TMEM167A: variants seen among roughly 807,000 people sequenced by gnomAD.
TMEM167A encodes transmembrane protein 167A, also known as protein kish-A.
Under a neutral mutation model 11.6 loss-of-function variants are expected in TMEM167A, and 8 were observed. The ratio of observed to expected loss-of-function variants is 0.69; its 90% CI spans 0.40 to 1.24. The LOEUF is 1.24. Ranked by LOEUF, TMEM167A falls within the 50% of genes most tolerant of loss-of-function variation. The probability of loss-of-function intolerance (pLI) is 0.01; values close to 1 mark genes in which losing one functional copy is unlikely to be tolerated. For missense variants in TMEM167A, 62 were observed against 87.0 expected (o/e 0.71, Z 1.14); for synonymous variants, 22 against 28.0 (o/e 0.79, Z 0.67).
chr5:83,074,193 T>C (rs1242472783), intron 1 of TMEM167A, among the ~76,000 whole-genome samples: 1 of 152,250 alleles, frequency 6.6e-6, no homozygotes, highest in Non-Finnish European at 1.5e-5. Flanking sequence ...GACTTCTTTT[T>C]ATTCCTGCCA....
chr5:83,057,338 A>G (rs1174168393), intron 3 of TMEM167A, among the ~76,000 whole-genome samples, 184 bp from the exon 4 acceptor site: 1 of 152,046 alleles, frequency 6.6e-6, no homozygotes, highest in African/African-American at 2.4e-5. Context: ...GGGCTAAACT[A>G]TTAATATATC....
rs1399508700 is a variant in TMEM167A, at chr5:83,065,027, G to T, written c.94C>A (p.Leu32Met). Reference sequence around the variant, plus strand: ...ACATACCCAGTTTTATTTCTGTCCAGGAGGCTGGGTGCCAAGGATCGAATA... The same window carrying T: ...ACATACCCAGTTTTATTTCTGTCCATGAGGCTGGGTGCCAAGGATCGAATA... The part of the protein sequence containing the change: ...AYIRSLAPSL[L>M]DRNKTGLLGI... The change falls in exon 2 of 4, where the codon CTG becomes ATG. Residue 32 changes from leucine (L) to methionine (M), a missense_variant. Transcript: ENST00000502346. 3 of 1,604,920 alleles carry T rather than the reference G, an allele frequency of 1.9e-6. No homozygotes were observed. Among genetic ancestry groups the T allele is most frequent in the Admixed American group, 1.7e-5 (1 of 59,532 alleles).
In TMEM167A at chr5:83,055,625, C is replaced by A. The variant is rs1365544050; in HGVS notation, c.*1459G>T. On this transcript the variant is annotated 3_prime_UTR_variant, in exon 4 of 4. Transcript: ENST00000502346. ...CCCCAGATAACAAAATACAGAAAAT[C>A]AAACCAAAACCAAAAAACACCCCCA... The A allele has an allele frequency of 6.6e-6, 1 of 151,698 alleles. No individual in the cohort carries two copies. Among genetic ancestry groups the A allele is most frequent in the Non-Finnish European group, 1.5e-5 (1 of 67,850 alleles). The allele number at this position is 151,698 out of a possible 1,614,324, so 9.4% of individuals were successfully genotyped here.
At chr5:83,062,141 A>G (rs1744416239) in intron 2 of TMEM167A, among the ~76,000 whole-genome samples, 1 of 152,188 alleles carries the variant, frequency 6.6e-6, no homozygotes, top group Admixed American at 6.5e-5. Flanking sequence ...ATGGAATATA[A>G]ATAGTGTCAT....
At chr5:83,064,163 A>G (rs1313038141) in intron 2 of TMEM167A, 3 of 500,548 alleles carry the variant, frequency 6.0e-6, no homozygotes, top group Non-Finnish European at 1.2e-5. Flanking sequence ...GTATTAGTAC[A>G]TATTTTAAAA....
chr5:83,075,946 A>AG (rs755075457), intron 1 of TMEM167A, among the ~76,000 whole-genome samples: 6 of 152,186 alleles, frequency 3.9e-5, no homozygotes, highest in Non-Finnish European at 8.8e-5. Flanking sequence ...CCAAGCTCAC[A>AG]GGAATAAAAA....
chr5:83,059,616 G>A (rs1744378977), intron 3 of TMEM167A, among the ~76,000 whole-genome samples: 1 of 151,946 alleles, frequency 6.6e-6, no homozygotes, highest in Non-Finnish European at 1.5e-5. Flanking sequence ...ATGCTATTTT[G>A]TCACTCTTTT....
chr5:83,067,512 TG>T (rs1260208205), intron 1 of TMEM167A, among the ~76,000 whole-genome samples: 1 of 151,976 alleles, frequency 6.6e-6, no homozygotes, highest in Non-Finnish European at 1.5e-5. Context: ...AGTTTTTTGG[TG>T]GGGGGTGGAG....
At chr5:83,076,262 T>C (rs28383104) in intron 1 of TMEM167A, among the ~76,000 whole-genome samples, 7,068 of 152,292 alleles carry the variant, frequency 0.046, 517 homozygotes, top group African/African-American at 0.16. Flanking sequence ...AAGAGCCTGG[T>C]ACATAGGACG....
Position 83,068,582 on chromosome 5 carries a change from C to T in TMEM167A, c.4-3465G>A, listed in dbSNP as rs575985857. On this transcript the variant is annotated intron_variant, in intron 1 of 3. Coordinates refer to ENST00000502346, the MANE Select transcript of TMEM167A (RefSeq NM_174909.5). ...AAAAGCTTCATGTAGAAAGCAGGAA[C>T]GGAGTCAAACCTTGAAAGGGCACCA... Among the ~76,000 whole-genome samples, 148 of 151,734 alleles carry T rather than the reference C, an allele frequency of 9.8e-4. 1 individual carries two copies. The highest frequency in any genetic ancestry group is 1.9e-3 in the Non-Finnish European group (130 of 67,978).
intron 2 of TMEM167A, among the ~76,000 whole-genome samples, chr5:83,064,507 C>T (rs948656580): frequency 1.3e-5 from 2 of 152,028 alleles, no homozygotes; most frequent in Non-Finnish European, 2.9e-5. Flanking sequence ...TAGAGTCTAC[C>T]ATATGCTTTA....
intron 1 of TMEM167A, among the ~76,000 whole-genome samples, chr5:83,074,970 ACACTGGT>A (rs1744619673): frequency 6.6e-6 from 1 of 152,096 alleles, no homozygotes; most frequent in Non-Finnish European, 1.5e-5. Flanking sequence ...GGGTTTCTCC[ACACTGGT>A]CAGGCTGGTC....
chr5:83,057,197 CT>C (rs776355871), intron 3 of TMEM167A, 43 bp from the exon 4 acceptor site: 10 of 1,561,384 alleles, frequency 6.4e-6, no homozygotes, highest in Non-Finnish European at 7.0e-6. Flanking sequence ...AACTGAGTGG[CT>C]AACCTGGCTA....
Position 83,056,253 on chromosome 5 carries a change from T to C in TMEM167A, c.*831A>G, listed in dbSNP as rs1156390276. ...GTTCCTTTACGGCAATTAAAATAAA[T>C]GTTTCATTTTTGAAGCCATGACACT... is the stretch of plus-strand genomic sequence containing the variant. On this transcript the variant is annotated 3_prime_UTR_variant, in exon 4 of 4. Coordinates refer to ENST00000502346, the MANE Select transcript of TMEM167A (RefSeq NM_174909.5). The C allele has an allele frequency of 2.0e-5, 3 of 152,068 alleles. No individual in the cohort carries two copies. Among genetic ancestry groups the C allele is most frequent in the African/African-American group, 7.2e-5 (3 of 41,442 alleles). 9.4% of individuals were successfully genotyped at this position (152,068 alleles called of 1,614,324 possible). A position where few individuals can be genotyped will look rare whatever the true frequency, so the allele number is the denominator to read the frequency against.
rs1335248636 is a variant in TMEM167A, at chr5:83,056,991, TAA to T, written c.*91_*92del. On this transcript the variant is annotated 3_prime_UTR_variant, in exon 4 of 4. Coordinates refer to ENST00000502346, the MANE Select transcript of TMEM167A (RefSeq NM_174909.5). ...ATTTATCTCATTCAATGTTCGGAGA[TAA>T]AAGAGTTAAACATCCTTTCCATTAT... The T allele has an allele frequency of 8.9e-7, 1 of 1,121,840 alleles. No individual in the cohort carries two copies. The allele number at this position is 1,121,840 out of a possible 1,614,324, so 69.5% of individuals were successfully genotyped here. A position where few individuals can be genotyped will look rare whatever the true frequency, so the allele number is the denominator to read the frequency against.
At chr5:83,061,501 CG>C (rs1245244597) in intron 3 of TMEM167A, among the ~76,000 whole-genome samples, 1 of 152,132 alleles carries the variant, frequency 6.6e-6, no homozygotes, top group Non-Finnish European at 1.5e-5. Context: ...CTTCGCCTCT[CG>C]GGTTCAAGAG....
At chr5:83,064,240 T>G (rs775108443) in intron 2 of TMEM167A, 1 of 518,680 alleles carries the variant, frequency 1.9e-6, no homozygotes, top group Admixed American at 1.9e-5. Context: ...CAACCTTTAC[T>G]AGAAGGTTGG....
chr5:83,066,437 C>T (rs1421030727), intron 1 of TMEM167A, among the ~76,000 whole-genome samples: 1 of 152,064 alleles, frequency 6.6e-6, no homozygotes, highest in Non-Finnish European at 1.5e-5. Context: ...AGTAAGGTGG[C>T]TGGGTACATA....
chr5:83,055,185 A>C lies in TMEM167A; in HGVS notation c.*1899T>G, dbSNP rs1218947019. 1 of 152,048 alleles carries C rather than the reference A, an allele frequency of 6.6e-6. No individual in the cohort carries two copies. Among genetic ancestry groups the C allele is most frequent in the Non-Finnish European group, 1.5e-5 (1 of 67,964 alleles). 9.4% of individuals were successfully genotyped at this position (152,048 alleles called of 1,614,324 possible). On this transcript the variant is annotated 3_prime_UTR_variant, in exon 4 of 4. Coordinates refer to ENST00000502346, the MANE Select transcript of TMEM167A (RefSeq NM_174909.5). The stretch of plus-strand genomic sequence containing the variant: ...TGTATGTTTCCACAAATTTTCCCCC[A>C]AAATTATCTCTTCCTTTACTTTCCA...
Sources: allele counts gnomAD v4.1 joint callset (sites outside exome capture counted in the v4.1 genomes callset), GRCh38; gene constraint gnomAD v4.1.1; transcripts MANE v1.5; gene names NCBI Gene and HGNC (gene_info 2026-07-23, HGNC 2026-07-21).